MAD2L2: variants seen among roughly 807,000 people sequenced by gnomAD.
MAD2L2 encodes the protein mitotic arrest deficient 2 like 2.
Under a neutral mutation model 30.5 loss-of-function variants are expected in MAD2L2, and 17 were observed. That is an observed-to-expected ratio of 0.56 (90% confidence interval 0.38 to 0.84). The LOEUF (loss-of-function observed/expected upper bound fraction) is 0.84, where lower values mean the gene tolerates loss of function less well. MAD2L2 is among the 40% of genes least tolerant of loss of function. MAD2L2 has a pLI of 0.00. For missense variants in MAD2L2, 213 were observed against 277.4 expected (o/e 0.77, Z 1.65); for synonymous variants, 101 against 113.9 (o/e 0.89, Z 0.72).
intron 1 of MAD2L2, 53 bp from the exon 2 acceptor site, chr1:11,680,666 AC>A: frequency 6.6e-7 from 1 of 1,503,818 alleles, no homozygotes; most frequent in Non-Finnish European, 8.9e-7. Flanking sequence ...GGAGCCCAGA[AC>A]CCGCTCGCTT....
chr1:11,690,588 A>G lies in MAD2L2; in HGVS notation c.-692+825T>C, dbSNP rs1641041954. On this transcript the variant is annotated intron_variant, in intron 1 of 10. Coordinates refer to the MAD2L2 transcript ENST00000235310. This position sits in a 1 kb window ranked among gnomAD's most constrained non-coding sequence, Gnocchi z 4.2. Reference sequence around the variant, plus strand: ...GGCAGAACTGTGTTCTAAAACCTCAAAGTCATAATTTGCCACACGCTGGAG... The same window carrying G: ...GGCAGAACTGTGTTCTAAAACCTCAGAGTCATAATTTGCCACACGCTGGAG... Among the ~76,000 whole-genome samples, 1 of 152,212 alleles carries G rather than the reference A, an allele frequency of 6.6e-6. No homozygotes were observed. Among genetic ancestry groups the G allele is most frequent in the African/African-American group, 2.4e-5 (1 of 41,466 alleles).
At chr1:11,675,545 G>C in intron 7 of MAD2L2, 113 bp downstream of exon 7, 4 of 1,037,240 alleles carry the variant, frequency 3.9e-6, no homozygotes, top group African/African-American at 3.1e-5. Flanking sequence ...GGTGCCAGGC[G>C]CTGCCACACC....
rs926991966 is a variant in MAD2L2, at chr1:11,688,933, T to A, written c.-692+2480A>T. 2.0e-5 allele frequency among the ~76,000 whole-genome samples: 3 copies of A among 152,192 alleles called. No homozygotes were observed. The highest frequency in any genetic ancestry group is 4.4e-5 in the Non-Finnish European group (3 of 68,008). On this transcript the variant is annotated intron_variant, in intron 1 of 10. Coordinates refer to the MAD2L2 transcript ENST00000235310. The surrounding 1 kb of genome is among the most constrained non-coding windows in gnomAD (Gnocchi z 4.6). ...CCTCTGGTCATCCTCACTGCTCCAC[T>A]CCCACCAGTGCCATGGCAGTTTACA... is the stretch of plus-strand genomic sequence containing the variant.
rs1265469131 is a variant in MAD2L2 at position 11,687,563 on chromosome 1, G to A, written c.-692+3850C>T. ...ACTAATTTTTAAAATTTTCTGTAGA[G>A]AAGGGGTCTCACTATGTTGCCAGGC... On this transcript the variant is annotated intron_variant, in intron 1 of 10. Transcript: ENST00000235310. This position sits in a 1 kb window ranked among gnomAD's most constrained non-coding sequence, Gnocchi z 4.1. Among the ~76,000 whole-genome samples the A allele has an allele frequency of 6.6e-6, 1 of 152,020 alleles. No individual in the cohort carries two copies. The highest frequency in any genetic ancestry group is 6.6e-5 in the Admixed American group (1 of 15,258).
chr1:11,690,822 C>G lies in MAD2L2; in HGVS notation c.-692+591G>C, dbSNP rs1427324334. On this transcript the variant is annotated intron_variant, in intron 1 of 10. Transcript: ENST00000235310. This position sits in a 1 kb window ranked among gnomAD's most constrained non-coding sequence, Gnocchi z 4.2. ...GGTCGTCAGGACACGGCGCCCCGCG[C>G]GGTGATGGATGAGCCGGCCCCAGCG... 1.3e-5 allele frequency among the ~76,000 whole-genome samples: 2 copies of G among 152,094 alleles called. No individual in the cohort carries two copies. Among genetic ancestry groups the G allele is most frequent in the African/African-American group, 4.8e-5 (2 of 41,406 alleles).
At chr1:11,681,793 T>G (rs1273153203), upstream of MAD2L2, 4 of 152,204 alleles carry the variant, frequency 2.6e-5, no homozygotes, top group African/African-American at 9.7e-5. Context: ...CCGTGGATTA[T>G]CTCAGTCCTG....
chr1:11,683,525 A>G (rs557410577), upstream of MAD2L2, among the ~76,000 whole-genome samples: 1 of 144,616 alleles, frequency 6.9e-6, no homozygotes, highest in East Asian at 2.3e-4. Flanking sequence ...GGGGGAAGGA[A>G]GGGTGGGAAG....
intron 3 of MAD2L2, among the ~76,000 whole-genome samples, chr1:11,678,956 G>A (rs1180885983): frequency 1.3e-5 from 2 of 152,198 alleles, no homozygotes; most frequent in Admixed American, 1.3e-4. Context: ...CAGAGGTCAG[G>A]AGATCGAGAC....
chr1:11,674,613 G>A lies in MAD2L2; in HGVS notation c.*162C>T. 1 of 676,804 alleles carries A rather than the reference G, an allele frequency of 1.5e-6. No individual in the cohort carries two copies. Among genetic ancestry groups the A allele is most frequent in the Non-Finnish European group, 2.5e-6 (1 of 394,526 alleles). 41.9% of individuals were successfully genotyped at this position (676,804 alleles called of 1,614,324 possible). ...CATCCCTCACTGCCCTCCTGGGGGA[G>A]GCATCCTCCAAGCAGACCTGAGCGG... On this transcript the variant is annotated 3_prime_UTR_variant, in exon 9 of 9. Transcript: ENST00000376692. This position sits in a 1 kb window ranked among gnomAD's most constrained non-coding sequence, Gnocchi z 6.1.
chr1:11,676,071 A>C lies in MAD2L2; in HGVS notation c.402T>G (p.Asp134Glu). Residue 134 changes from aspartate to glutamate, a missense_variant, in exon 6 of 9, where the codon GAT becomes GAG. Physicochemically the swap from Asp to Glu is conservative, Grantham distance 45. Coordinates refer to ENST00000376692, the MANE Select transcript of MAD2L2 (RefSeq NM_006341.4). ...RAFILKISVC[D>E]AVLDHNPPGC... ...CTGGGGGGTTGTGGTCCAGGACGGC[A>C]TCGCACACGCTGATCTTCAGGATGA... The C allele has an allele frequency of 6.2e-7, 1 of 1,613,490 alleles. No homozygotes were observed.
intron 7 of MAD2L2, 24 bp from the exon 8 acceptor site, chr1:11,675,198 G>A (rs530494046): frequency 2.0e-6 from 3 of 1,531,954 alleles, no homozygotes; most frequent in African/African-American, 2.8e-5. Context: ...AAAGGTCAGG[G>A]GGGTGACGGG....
Position 11,676,029 on chromosome 1 carries a change from G to T in MAD2L2, c.427+17C>A. 6.2e-7 allele frequency: 1 copy of T among 1,604,620 alleles called. No homozygotes were observed. Among genetic ancestry groups the T allele is most frequent in the Non-Finnish European group, 8.5e-7 (1 of 1,171,746 alleles). On this transcript the variant is annotated intron_variant, in intron 6 of 8. Coordinates refer to ENST00000376692, the MANE Select transcript of MAD2L2 (RefSeq NM_006341.4). ...CATGGAAATGCCAAGGGAAGAGAGGGTGGGGAGTGGACACACCTGGGGGGT... is the reference window on the plus strand; with the variant it reads ...CATGGAAATGCCAAGGGAAGAGAGGTTGGGGAGTGGACACACCTGGGGGGT...
In MAD2L2 at chr1:11,675,895, G is replaced by C. The variant is rs779596380; in HGVS notation, c.427+151C>G. On this transcript the variant is annotated intron_variant, in intron 6 of 8. Coordinates refer to ENST00000376692, the MANE Select transcript of MAD2L2 (RefSeq NM_006341.4). Reference sequence around the variant, plus strand: ...TCAATAGGGAGATGGAAGCCAGGTAGAATCAATCAGGGAAGCTTCCCAGAG... The same window carrying C: ...TCAATAGGGAGATGGAAGCCAGGTACAATCAATCAGGGAAGCTTCCCAGAG... 5.5e-5 allele frequency: 48 copies of C among 879,668 alleles called. 1 individual carries two copies. Among genetic ancestry groups the C allele is most frequent in the Non-Finnish European group, 8.8e-5 (46 of 521,082 alleles). The allele number at this position is 879,668 out of a possible 1,614,324, so 54.5% of individuals were successfully genotyped here.
rs1394939050 is a variant in MAD2L2 at position 11,687,333 on chromosome 1, C to T, written c.-692+4080G>A. 6.6e-6 allele frequency among the ~76,000 whole-genome samples: 1 copy of T among 152,068 alleles called. No individual in the cohort carries two copies. ...CGGCTCAATGAAATCTCTGCCTCCC[C>T]GATTCAAGCGATTCTCCTGCCTCAG... On this transcript the variant is annotated intron_variant, in intron 1 of 10. Coordinates refer to the MAD2L2 transcript ENST00000235310. This position sits in a 1 kb window ranked among gnomAD's most constrained non-coding sequence, Gnocchi z 4.1.
chr1:11,687,384 C>T lies in MAD2L2; in HGVS notation c.-692+4029G>A, dbSNP rs956363213. Among the ~76,000 whole-genome samples the T allele has an allele frequency of 9.9e-5, 15 of 152,174 alleles. No individual in the cohort carries two copies. The highest frequency in any genetic ancestry group is 1.9e-4 in the Non-Finnish European group (13 of 68,032). ...CCTCCCGAGTAGCTGGGACTACAGG[C>T]GACCTCCATCACGCTTGGCTAATTT... On this transcript the variant is annotated intron_variant, in intron 1 of 10. Coordinates refer to the MAD2L2 transcript ENST00000235310. This position sits in a 1 kb window ranked among gnomAD's most constrained non-coding sequence, Gnocchi z 4.1.
Position 11,676,640 on chromosome 1 carries a change from C to T in MAD2L2, c.332+208G>A, listed in dbSNP as rs535649010. Among the ~76,000 whole-genome samples, 12 of 152,324 alleles carry T rather than the reference C, an allele frequency of 7.9e-5. No homozygotes were observed. In the East Asian group the frequency reaches 2.1e-3, roughly 27 times the overall value. ...ACTGCTTCTGTGTCCTGGGCTCTGC[C>T]CCCACCCAGGTGACCCTGGGTAGCT... On this transcript the variant is annotated intron_variant, in intron 5 of 8. Coordinates refer to ENST00000376692, the MANE Select transcript of MAD2L2 (RefSeq NM_006341.4).
intron 3 of MAD2L2, among the ~76,000 whole-genome samples, chr1:11,679,285 C>G (rs1395795598): frequency 1.3e-5 from 2 of 152,216 alleles, no homozygotes; most frequent in Non-Finnish European, 2.9e-5. Flanking sequence ...AAGCGGGGAC[C>G]ACCTGGATGT....
chr1:11,683,529 T>G (rs1640909696), upstream of MAD2L2, among the ~76,000 whole-genome samples: 16 of 144,918 alleles, frequency 1.1e-4, no homozygotes, highest in East Asian at 2.1e-4. Flanking sequence ...GAAGGAAGGG[T>G]GGGAAGGTGA....
intron 4 of MAD2L2, 95 bp from the exon 5 acceptor site, chr1:11,677,043 G>T: frequency 2.1e-6 from 2 of 951,470 alleles, no homozygotes; most frequent in South Asian, 1.3e-5. Flanking sequence ...GAGGAGAAAC[G>T]GCCCACTCAC....
Sources: gnomAD v4.1 joint callset for allele counts (sites outside exome capture counted in the v4.1 genomes callset) on GRCh38, gnomAD v4.1.1 for gene constraint, Gnocchi (gnomAD v3.1) non-coding constraint, MANE v1.5 for transcripts, NCBI Gene and HGNC (gene_info 2026-07-23, HGNC 2026-07-21) for gene names.